The following SAMD5 variants were observed in gnomAD, a reference collection of about 807,000 sequenced individuals.
The protein encoded by SAMD5 is sterile alpha motif domain-containing protein 5.
SAMD5 carries 13 observed loss-of-function variants against 11.3 expected under a neutral mutation model. The observed-to-expected ratio is 1.15, with a 90% confidence interval of 0.75 to 1.83. SAMD5 has a LOEUF of 1.83. SAMD5 is among the 40% of genes most tolerant of loss of function. SAMD5 has a pLI of 0.00. For missense variants in SAMD5, 255 were observed against 239.1 expected (o/e 1.07, Z -0.44); for synonymous variants, 129 against 111.3 (o/e 1.16, Z -1.00).
the SAMD5 span, among the ~76,000 whole-genome samples, chr6:147,883,392 A>G: frequency 6.6e-6 from 1 of 152,352 alleles, no homozygotes; most frequent in East Asian, 1.9e-4. Context: ...ATGATGCTCT[A>G]AAGATACAGA....
At chr6:147,920,247 G>A in the SAMD5 span, among the ~76,000 whole-genome samples, 1 of 152,210 alleles carries the variant, frequency 6.6e-6, no homozygotes, top group African/African-American at 2.4e-5. Flanking sequence ...AGGCAGAAGA[G>A]CGTGGAAGGA....
chr6:147,818,521 C>A, the SAMD5 span, among the ~76,000 whole-genome samples: 11 of 152,132 alleles, frequency 7.2e-5, no homozygotes, highest in Admixed American at 3.3e-4. Context: ...CCTCCACATA[C>A]CTCGCAGGAA....
chr6:147,803,131 C>CTGTGTGTGTGTGTG, the SAMD5 span, among the ~76,000 whole-genome samples: 10 of 136,754 alleles, frequency 7.3e-5, no homozygotes, highest in East Asian at 8.5e-4. Context: ...GCCTTCCTTT[C>CTGTGTGTGTGTGTG]TGTGTGTGTG....
the SAMD5 span, among the ~76,000 whole-genome samples, chr6:147,820,448 C>T: frequency 1.2e-3 from 180 of 152,252 alleles, 1 homozygote; most frequent in African/African-American, 4.2e-3. Flanking sequence ...GCTTTTCTCA[C>T]CTCGGTTCGA....
At chr6:147,756,174 A>G in the SAMD5 span, among the ~76,000 whole-genome samples, 1 of 152,158 alleles carries the variant, frequency 6.6e-6, no homozygotes, top group Admixed American at 6.6e-5. Flanking sequence ...AGTTGCTGTA[A>G]TAAAGAAGAC....
chr6:147,737,297 T>A (rs1791818351), intron 1 of SAMD5: 1 of 1,200,824 alleles, frequency 8.3e-7, no homozygotes, highest in African/African-American at 1.6e-5. Flanking sequence ...TAAACTTCAT[T>A]TCCTCTTTTT....
chr6:147,920,044 A>G, the SAMD5 span, among the ~76,000 whole-genome samples: 1 of 152,232 alleles, frequency 6.6e-6, no homozygotes, highest in Non-Finnish European at 1.5e-5. Flanking sequence ...CATTTTAGCC[A>G]AACTGTTTGT....
chr6:147,549,314 T>C (rs1788732236), intron 1 of SAMD5, among the ~76,000 whole-genome samples: 1 of 152,180 alleles, frequency 6.6e-6, no homozygotes, highest in Non-Finnish European at 1.5e-5. Context: ...TAGCAGCTCA[T>C]TGGTTTAGGC....
chr6:147,878,596 CATATATATCTATATAGATATATATGT>C, the SAMD5 span, among the ~76,000 whole-genome samples: 11 of 143,658 alleles, frequency 7.7e-5, no homozygotes, highest in East Asian at 1.2e-3. Context: ...GATATATATA[CATATATATCTATATAGATATATATGT>C]ATATATATCT....
chr6:147,948,368 G>A, the SAMD5 span, among the ~76,000 whole-genome samples: 4 of 151,520 alleles, frequency 2.6e-5, no homozygotes, highest in African/African-American at 9.7e-5. Context: ...TCTTATAATA[G>A]TGGACTCTCC....
chr6:147,800,799 A>T, the SAMD5 span, among the ~76,000 whole-genome samples: 1 of 152,226 alleles, frequency 6.6e-6, no homozygotes, highest in Admixed American at 6.5e-5. Context: ...TTTAGAACCT[A>T]TTAATGGGAA....
rs1005776225 is a variant in SAMD5, at chr6:147,569,029, C to A, written c.*4573C>A. 35 of 243,226 alleles carry A rather than the reference C, an allele frequency of 1.4e-4. No homozygotes were observed. The highest frequency in any genetic ancestry group is 8.1e-4 in the African/African-American group (35 of 43,006). The allele number at this position is 243,226 out of a possible 1,614,324, so 15.1% of individuals were successfully genotyped here. On this transcript the variant is annotated 3_prime_UTR_variant, in exon 2 of 2. Coordinates refer to ENST00000367474, the MANE Select transcript of SAMD5 (RefSeq NM_001030060.3). ...ATCATTTGAGGTCAGGAGTTTGAGA[C>A]CAGCCTGGCCAACATGGTGAAACCC...
At chr6:147,818,751 C>T in the SAMD5 span, among the ~76,000 whole-genome samples, 1 of 152,180 alleles carries the variant, frequency 6.6e-6, no homozygotes, top group Non-Finnish European at 1.5e-5. Flanking sequence ...TGTCTCATCA[C>T]TGGTGAAGTT....
At chr6:147,668,054 A>G (rs975309846) in intron 1 of SAMD5, among the ~76,000 whole-genome samples, 1 of 152,202 alleles carries the variant, frequency 6.6e-6, no homozygotes, top group Admixed American at 6.5e-5. Context: ...ATGCGATACA[A>G]GAATTTCTGC....
the SAMD5 span, among the ~76,000 whole-genome samples, chr6:147,918,820 C>A: frequency 6.6e-6 from 1 of 151,438 alleles, no homozygotes; most frequent in African/African-American, 2.4e-5. Context: ...GCCTCAGCCT[C>A]CCGAGTCCTG....
the SAMD5 span, among the ~76,000 whole-genome samples, chr6:147,912,589 C>A: frequency 6.6e-6 from 1 of 152,206 alleles, no homozygotes; most frequent in East Asian, 1.9e-4. Flanking sequence ...TGAGCATACA[C>A]CTCCAACAAT....
chr6:147,942,835 T>TTTG, the SAMD5 span, among the ~76,000 whole-genome samples: 1 of 150,924 alleles, frequency 6.6e-6, no homozygotes, highest in East Asian at 1.9e-4. Flanking sequence ...TTTTTTTTTT[T>TTTG]TTTTTCTGAG....
the SAMD5 span, among the ~76,000 whole-genome samples, chr6:147,782,077 T>C: frequency 4.0e-5 from 6 of 151,484 alleles, no homozygotes; most frequent in South Asian, 1.2e-3. Flanking sequence ...GATGGTGCAA[T>C]ACATTCCAGT....
the SAMD5 span, among the ~76,000 whole-genome samples, chr6:147,864,094 G>A: frequency 0.17 from 25,385 of 151,776 alleles, 2,597 homozygotes; most frequent in Non-Finnish European, 0.23. Flanking sequence ...AACCCACTTC[G>A]GTCTCCCAAA....
Sources: allele counts gnomAD v4.1 joint callset (sites outside exome capture counted in the v4.1 genomes callset), GRCh38; gene constraint gnomAD v4.1.1; transcripts MANE v1.5; gene names NCBI Gene and HGNC (gene_info 2026-07-23, HGNC 2026-07-21).